APLF: variants seen among roughly 807,000 people sequenced by gnomAD.
APLF encodes aprataxin and PNK-like factor.
In APLF, 61 loss-of-function variants were observed where a neutral mutation model predicts 55.6. The observed-to-expected ratio is 1.10, with a 90% CI of 0.89 to 1.36. APLF has a LOEUF of 1.36. Ranked by LOEUF, APLF falls within the 40% of genes most tolerant of loss-of-function variation. The pLI is 0.00. For missense variants in APLF, 611 were observed against 602.5 expected, an observed-to-expected ratio of 1.01 and a Z score of -0.15; for synonymous variants, 207 against 214.8, an observed-to-expected ratio of 0.96 and a Z score of 0.32.
intron 7 of APLF, among the ~76,000 whole-genome samples, chr2:68,540,834 T>G (rs1224818652): frequency 1.3e-5 from 2 of 152,026 alleles, no homozygotes. Flanking sequence ...TATAGAGGAA[T>G]AGCAAAGGAC....
intron 1 of APLF, among the ~76,000 whole-genome samples, chr2:68,471,219 T>C (rs1675607708): frequency 6.6e-6 from 1 of 152,140 alleles, no homozygotes; most frequent in African/African-American, 2.4e-5. Flanking sequence ...AGGGTTATCA[T>C]TGAGTTTTGA....
At chr2:68,489,633 A>G (rs1388324988) in intron 1 of APLF, among the ~76,000 whole-genome samples, 2 of 152,150 alleles carry the variant, frequency 1.3e-5, no homozygotes, top group African/African-American at 4.8e-5. Context: ...GGTTTTCACT[A>G]TTCCCCTTCT....
At chr2:68,568,588 G>T (rs1328315084) in intron 9 of APLF, among the ~76,000 whole-genome samples, 2 of 152,032 alleles carry the variant, frequency 1.3e-5, no homozygotes, top group African/African-American at 4.8e-5. Flanking sequence ...AATTGTATTT[G>T]ATTAAAAGTA....
rs146750899 is a variant in APLF at position 68,512,259 on chromosome 2, A to G, written c.342-821A>G. On this transcript the variant is annotated intron_variant, in intron 3 of 9. Coordinates refer to ENST00000303795, the MANE Select transcript of APLF (RefSeq NM_173545.3). ...CCATTAATATGATTTCTGTCCCTGT[A>G]ACTTTACCTTTCAGGATGTCATATA... Among the ~76,000 whole-genome samples the G allele has an allele frequency of 2.3e-3, 345 of 151,794 alleles. 1 individual carries two copies. Among genetic ancestry groups the G allele is most frequent in the African/African-American group, 7.8e-3 (324 of 41,504 alleles).
At chr2:68,510,249 GAA>G (rs1677005503) in intron 3 of APLF, among the ~76,000 whole-genome samples, 1 of 151,556 alleles carries the variant, frequency 6.6e-6, no homozygotes, top group East Asian at 1.9e-4. Flanking sequence ...AAAAGAAAGT[GAA>G]AAGACAACCA....
At chr2:68,565,518 C>G (rs74545551) in intron 8 of APLF, among the ~76,000 whole-genome samples, 1,611 of 102,504 alleles carry the variant, frequency 0.016, 17 homozygotes, top group African/African-American at 0.074. Flanking sequence ...CAGATAGATA[C>G]ATACATACAT....
chr2:68,548,906 A>G (rs545887949), intron 8 of APLF, among the ~76,000 whole-genome samples: 3 of 151,960 alleles, frequency 2.0e-5, no homozygotes, highest in Non-Finnish European at 2.9e-5. Flanking sequence ...CCATCCCTGT[A>G]TTATTTTGAA....
intron 7 of APLF, 36 bp from the exon 8 acceptor site, chr2:68,545,149 ATT>A (rs11337234): frequency 3.5e-5 from 51 of 1,478,020 alleles, no homozygotes; most frequent in Non-Finnish European, 4.4e-5. Flanking sequence ...AGAATATCCT[ATT>A]TTTTTTTTCT....
chr2:68,498,867 C>G (rs934725650), intron 2 of APLF, among the ~76,000 whole-genome samples: 2 of 152,128 alleles, frequency 1.3e-5, no homozygotes, highest in African/African-American at 4.8e-5. Flanking sequence ...ATTATTGACC[C>G]TCAAAATATA....
intron 2 of APLF, among the ~76,000 whole-genome samples, chr2:68,502,150 A>T (rs1194414734): frequency 6.6e-6 from 1 of 152,178 alleles, no homozygotes; most frequent in African/African-American, 2.4e-5. Context: ...ATTCATGAGG[A>T]CATTTCCCTT....
intron 2 of APLF, among the ~76,000 whole-genome samples, chr2:68,494,137 G>A (rs1222885156): frequency 1.1e-4 from 16 of 151,062 alleles, no homozygotes; most frequent in African/African-American, 3.4e-4. Context: ...TTAGCCAGGC[G>A]TGGTGGTGGG....
At chr2:68,563,165 T>C (rs768268924) in intron 8 of APLF, 1 of 985,304 alleles carries the variant, frequency 1.0e-6, no homozygotes, top group Non-Finnish European at 1.2e-6. Context: ...TACAGTATTT[T>C]ACCTGTCTTT....
chr2:68,482,984 G>A (rs1676011592), intron 1 of APLF, among the ~76,000 whole-genome samples: 1 of 151,614 alleles, frequency 6.6e-6, no homozygotes, highest in Admixed American at 6.6e-5. Context: ...TGCAGTACCA[G>A]AGTCATGACT....
intron 9 of APLF, chr2:68,568,237 G>T (rs543202126): frequency 2.3e-5 from 23 of 982,960 alleles, no homozygotes; most frequent in Non-Finnish European, 1.8e-5. Context: ...ATAATACAGA[G>T]GCTGATTCAG....
rs533570114 is a variant in APLF, at chr2:68,573,660, G to A, written c.1334-4160G>A. Among the ~76,000 whole-genome samples, 5 of 141,862 alleles carry A rather than the reference G, an allele frequency of 3.5e-5. No individual in the cohort carries two copies. In the East Asian group the frequency reaches 8.0e-4, roughly 23 times the overall value. 93.1% of individuals were successfully genotyped at this position (141,862 alleles called of 152,430 possible). A position where few individuals can be genotyped will look rare whatever the true frequency, so the allele number is the denominator to read the frequency against. ...TGCACTCCAGCCTGGGCAACAAAGC[G>A]AGACCTTGTCTCAAAAAAAAAAAAA... On this transcript the variant is annotated intron_variant, in intron 9 of 9. Transcript: ENST00000303795.
chr2:68,557,305 A>G (rs1225467715), intron 8 of APLF, among the ~76,000 whole-genome samples: 3 of 152,328 alleles, frequency 2.0e-5, no homozygotes, highest in African/African-American at 7.2e-5. Context: ...ACAAGAAACA[A>G]AAGTCTGTAC....
At chr2:68,569,608 A>G (rs543953702) in intron 9 of APLF, among the ~76,000 whole-genome samples, 76 of 152,108 alleles carry the variant, frequency 5.0e-4, no homozygotes, top group African/African-American at 1.7e-3. Context: ...GCAAATAATG[A>G]TGAGCCAATA....
intron 9 of APLF, chr2:68,568,269 G>T (rs1230414684): frequency 5.1e-6 from 5 of 985,162 alleles, no homozygotes; most frequent in Non-Finnish European, 6.0e-6. Flanking sequence ...TCTGCTCACA[G>T]AATGAGAAAA....
At chr2:68,524,060 A>G (rs1211583678) in intron 5 of APLF, among the ~76,000 whole-genome samples, 1 of 152,076 alleles carries the variant, frequency 6.6e-6, no homozygotes, top group Non-Finnish European at 1.5e-5. Flanking sequence ...ATTTGTGTAG[A>G]AGCTGTGTCT....
Sources: allele counts gnomAD v4.1 joint callset (sites outside exome capture counted in the v4.1 genomes callset), GRCh38; gene constraint gnomAD v4.1.1; transcripts MANE v1.5; gene names NCBI Gene and HGNC (gene_info 2026-07-23, HGNC 2026-07-21).